DLG2: variants seen among roughly 807,000 people sequenced by gnomAD.
DLG2 encodes discs large MAGUK scaffold protein 2.
Under a neutral mutation model 132.5 loss-of-function variants are expected in DLG2, and 45 were observed. The ratio of observed to expected loss-of-function variants is 0.34; its 90% CI spans 0.27 to 0.44. The LOEUF (loss-of-function observed/expected upper bound fraction) is 0.44. Ranked by LOEUF, DLG2 falls within the 20% of genes least tolerant of loss-of-function variation. The probability of loss-of-function intolerance (pLI) is 1.00; values close to 1 mark genes in which losing one functional copy is unlikely to be tolerated. For missense variants in DLG2, 1,045 were observed against 1,196.9 expected, an observed-to-expected ratio of 0.87 and a Z score of 1.87; for synonymous variants, 424 against 419.6, an observed-to-expected ratio of 1.01 and a Z score of -0.13.
intron 2 of DLG2, among the ~76,000 whole-genome samples, chr11:85,608,900 T>C (rs2080787207): frequency 6.6e-6 from 1 of 152,196 alleles, no homozygotes; most frequent in African/African-American, 2.4e-5. Context: ...GAAAAGAATG[T>C]GGCTTTAGCT....
rs140646067 is a variant in DLG2, at chr11:85,175,719, G to A, written c.187-21068C>T. ...AATTCTATATCTAGAAAACTCTGCC[G>A]TCACCACCCAAAAGTATCTTAAGCT... On this transcript the variant is annotated intron_variant, in intron 4 of 27. Transcript: ENST00000376104. 1.1e-4 allele frequency among the ~76,000 whole-genome samples: 16 copies of A among 152,078 alleles called. No homozygotes were observed. In the East Asian group the frequency reaches 1.4e-3, roughly 13 times the overall value.
intron 6 of DLG2, among the ~76,000 whole-genome samples, chr11:84,787,852 A>T (rs989980858): frequency 5.9e-5 from 9 of 151,760 alleles, no homozygotes; most frequent in Admixed American, 5.3e-4. Flanking sequence ...TAATCCCAGC[A>T]CTTTGGGAGG....
intron 3 of DLG2, among the ~76,000 whole-genome samples, chr11:85,511,282 T>A (rs1317416832): frequency 6.6e-6 from 1 of 151,786 alleles, no homozygotes; most frequent in East Asian, 1.9e-4. Flanking sequence ...AAATGACGAG[T>A]TAATGGGTGC....
chr11:84,536,451 G>T (rs1429309450), intron 6 of DLG2, among the ~76,000 whole-genome samples: 2 of 152,102 alleles, frequency 1.3e-5, no homozygotes, highest in African/African-American at 4.8e-5. Flanking sequence ...ACACAATGAG[G>T]TTAGAACATT....
At chr11:84,790,996 T>C (rs1598220698) in intron 6 of DLG2, among the ~76,000 whole-genome samples, 1 of 152,274 alleles carries the variant, frequency 6.6e-6, no homozygotes, top group East Asian at 1.9e-4. Flanking sequence ...ACTGGGTAAC[T>C]TATAAGTGAC....
At chr11:84,665,940 A>G (rs1281635534) in intron 6 of DLG2, among the ~76,000 whole-genome samples, 1 of 152,166 alleles carries the variant, frequency 6.6e-6, no homozygotes, top group Non-Finnish European at 1.5e-5. Flanking sequence ...TTTGTAACTG[A>G]GTTCACATTA....
At chr11:83,590,685 A>T (rs1387565478) in intron 19 of DLG2, among the ~76,000 whole-genome samples, 2 of 152,224 alleles carry the variant, frequency 1.3e-5, no homozygotes, top group Admixed American at 1.3e-4. Context: ...CCCTTCAAAA[A>T]ATTAATGAAT....
chr11:84,013,057 A>T (rs2094973099), intron 11 of DLG2, among the ~76,000 whole-genome samples: 2 of 152,176 alleles, frequency 1.3e-5, no homozygotes, highest in Admixed American at 1.3e-4. Context: ...AACTACCTTT[A>T]GAAGGGATTC....
intron 2 of DLG2, among the ~76,000 whole-genome samples, chr11:85,602,662 G>A (rs185594282): frequency 2.0e-4 from 30 of 152,214 alleles, no homozygotes; most frequent in African/African-American, 6.5e-4. Context: ...ACTAGATTAT[G>A]TCATTCCTCA....
At chr11:83,528,973 T>C (rs1490090149) in intron 21 of DLG2, among the ~76,000 whole-genome samples, 1 of 152,146 alleles carries the variant, frequency 6.6e-6, no homozygotes, top group African/African-American at 2.4e-5. Flanking sequence ...CTGCAACCTT[T>C]AATTTAAATT....
intron 18 of DLG2, among the ~76,000 whole-genome samples, chr11:83,753,895 T>TTTC (rs1164149256): frequency 7.9e-6 from 1 of 127,078 alleles, no homozygotes. Context: ...ATATATATCA[T>TTTC]ATATATATTT....
intron 11 of DLG2, among the ~76,000 whole-genome samples, chr11:84,040,382 T>G (rs1163792397): frequency 1.3e-5 from 2 of 151,998 alleles, no homozygotes; most frequent in African/African-American, 2.4e-5. Context: ...TAATCCATCT[T>G]GAATTGATTT....
chr11:84,417,808 G>A (rs1310968950), intron 7 of DLG2, among the ~76,000 whole-genome samples: 1 of 152,038 alleles, frequency 6.6e-6, no homozygotes, highest in African/African-American at 2.4e-5. Flanking sequence ...CTTTTAAACA[G>A]CATTAGAATC....
intron 6 of DLG2, among the ~76,000 whole-genome samples, chr11:84,877,414 C>T (rs924837699): frequency 6.6e-6 from 1 of 151,368 alleles, no homozygotes; most frequent in East Asian, 1.9e-4. Flanking sequence ...CTTCTTGTTG[C>T]ATTGATCCCT....
rs561100373 is a variant in DLG2 at position 84,117,244 on chromosome 11, T to C, written c.625-18197A>G. On this transcript the variant is annotated intron_variant, in intron 9 of 27. Transcript: ENST00000376104. The stretch of plus-strand genomic sequence containing the variant: ...TTTGGCTTTATGTTCGGAGTATATG[T>C]GTATTTGCCTTATTTTCTAGCCTGC... Among the ~76,000 whole-genome samples the C allele has an allele frequency of 1.1e-4, 17 of 152,360 alleles. No homozygotes were observed. The South Asian group carries it at 2.1e-3, about 19-fold the overall frequency.
In DLG2 at chr11:83,861,447, T is replaced by A. The variant is rs116370682; in HGVS notation, c.1565+12973A>T. Reference sequence around the variant, plus strand: ...TGCACTGCTATGTTTGTTGCACCACTGTTTATAATAGCCAAGATTTGGAAG... The same window carrying A: ...TGCACTGCTATGTTTGTTGCACCACAGTTTATAATAGCCAAGATTTGGAAG... On this transcript the variant is annotated intron_variant, in intron 16 of 27. Transcript: ENST00000376104. Among the ~76,000 whole-genome samples, 1,033 of 152,310 alleles carry A rather than the reference T, an allele frequency of 6.8e-3. 13 individuals carry two copies. Among genetic ancestry groups the A allele is most frequent in the African/African-American group, 0.024 (1,000 of 41,574 alleles).
At chr11:85,348,004 C>G (rs2082986785) in intron 3 of DLG2, among the ~76,000 whole-genome samples, 1 of 93,518 alleles carries the variant, frequency 1.1e-5, no homozygotes, top group Admixed American at 1.7e-4. Flanking sequence ...TTTTTTGAGA[C>G]AGAGTCTCGC....
At chr11:85,254,302 A>G (rs563666787) in intron 4 of DLG2, among the ~76,000 whole-genome samples, 5 of 152,260 alleles carry the variant, frequency 3.3e-5, no homozygotes, top group Non-Finnish European at 7.3e-5. Context: ...GAAGACATCT[A>G]CAATCTATTA....
chr11:85,172,467 C>CT (rs1294939324), intron 4 of DLG2, among the ~76,000 whole-genome samples: 4 of 152,184 alleles, frequency 2.6e-5, no homozygotes, highest in Admixed American at 2.6e-4. Context: ...CAAAGGTCAG[C>CT]AACCTCAAAG....
Sources: gnomAD v4.1 joint callset for allele counts (sites outside exome capture counted in the v4.1 genomes callset) on GRCh38, gnomAD v4.1.1 for gene constraint, MANE v1.5 for transcripts, NCBI Gene and HGNC (gene_info 2026-07-23, HGNC 2026-07-21) for gene names.